The following SHROOM3 variants were observed in gnomAD, a reference collection of about 807,000 sequenced individuals.
SHROOM3 encodes the protein shroom family member 3.
A neutral mutation model predicts 138.6 loss-of-function variants in SHROOM3; 47 were observed. That is an observed-to-expected ratio of 0.34 (90% CI 0.27 to 0.43). The LOEUF is 0.43. Among genes scored for constraint, SHROOM3 ranks in the 20% least tolerant of loss-of-function variants. The probability of loss-of-function intolerance (pLI) is 1.00; values close to 1 mark genes in which losing one functional copy is unlikely to be tolerated. For missense variants in SHROOM3, 2,491 were observed against 2,596.5 expected (o/e 0.96, Z 0.88); for synonymous variants, 1,062 against 1,063.3 (o/e 1.00, Z 0.02).
chr4:76,615,766 TCA>T (rs2110063609), intron 2 of SHROOM3, among the ~76,000 whole-genome samples: 1 of 152,296 alleles, frequency 6.6e-6, no homozygotes, highest in East Asian at 1.9e-4. Flanking sequence ...TGTTTCACAT[TCA>T]CATTCACTGG....
intron 2 of SHROOM3, among the ~76,000 whole-genome samples, chr4:76,668,342 C>T (rs939823843): frequency 1.3e-5 from 2 of 152,038 alleles, no homozygotes; most frequent in Non-Finnish European, 2.9e-5. Flanking sequence ...AGGCAGATCA[C>T]CTGAGGTCAG....
intron 1 of SHROOM3, among the ~76,000 whole-genome samples, chr4:76,447,696 C>T (rs1301301239): frequency 2.6e-5 from 4 of 152,130 alleles, no homozygotes; most frequent in African/African-American, 7.2e-5. Flanking sequence ...AAAAACAAGG[C>T]AGCCATTGAT....
chr4:76,472,243 C>T (rs1458494944), intron 1 of SHROOM3, among the ~76,000 whole-genome samples: 1 of 152,136 alleles, frequency 6.6e-6, no homozygotes, highest in Non-Finnish European at 1.5e-5. Context: ...AAGAGAAACA[C>T]AGTTTTGTGC....
chr4:76,691,281 T>C (rs1266686966), intron 2 of SHROOM3, among the ~76,000 whole-genome samples: 1 of 152,208 alleles, frequency 6.6e-6, no homozygotes, highest in East Asian at 1.9e-4. Flanking sequence ...CTGCCTAGGA[T>C]GGCTTCAGTG....
intron 1 of SHROOM3, among the ~76,000 whole-genome samples, chr4:76,515,261 C>T (rs1210835258): frequency 6.6e-6 from 1 of 150,524 alleles, no homozygotes; most frequent in Non-Finnish European, 1.5e-5. Flanking sequence ...TGGCATGTGC[C>T]TGTAGTCCTA....
chr4:76,608,541 A>ATAGCATAGCGTAGCG (rs1560563075), intron 2 of SHROOM3, among the ~76,000 whole-genome samples: 19 of 51,714 alleles, frequency 3.7e-4, no homozygotes, highest in African/African-American at 1.4e-3. Flanking sequence ...ATAGCATAGC[A>ATAGCATAGCGTAGCG]TAGCATAGCA....
intron 1 of SHROOM3, among the ~76,000 whole-genome samples, chr4:76,527,999 A>G (rs1391393970): frequency 2.6e-5 from 4 of 152,208 alleles, no homozygotes; most frequent in Non-Finnish European, 1.5e-5. Flanking sequence ...AATGCCTACT[A>G]CTACATCTTC....
At chr4:76,655,498 GA>G (rs1736045865) in intron 2 of SHROOM3, among the ~76,000 whole-genome samples, 1 of 152,136 alleles carries the variant, frequency 6.6e-6, no homozygotes. Context: ...GGAAAAAAGG[GA>G]AAAATGTCAC....
Position 76,740,788 on chromosome 4 carries a change from C to G in SHROOM3, c.2615C>G (p.Ser872Trp), listed in dbSNP as rs370811380. The change falls in exon 5 of 11, where the codon TCG becomes TGG. Residue 872 changes from serine (S) to tryptophan (W), a missense_variant. Physicochemically the swap from Ser to Trp is radical, Grantham distance 177. Transcript: ENST00000296043. This position sits in a 1 kb window ranked among gnomAD's most constrained non-coding sequence, Gnocchi z 4.0. ...PCGQQLSGGA[S>W]DSGRGPQRPD... ...GGTCAGCAGCTGAGCGGAGGAGCGT[C>G]GGACAGCGGCCGTGGCCCCCAGAGG... The G allele has an allele frequency of 2.0e-5, 33 of 1,611,086 alleles. No homozygotes were observed. In the African/African-American group the frequency reaches 4.3e-4, roughly 21 times the overall value.
intron 2 of SHROOM3, among the ~76,000 whole-genome samples, chr4:76,654,721 GA>G: frequency 6.6e-6 from 1 of 152,290 alleles, no homozygotes; most frequent in East Asian, 1.9e-4. Flanking sequence ...AGATGAGGAG[GA>G]GGGGGAGGGT....
chr4:76,684,937 A>G (rs1193048568), intron 2 of SHROOM3, among the ~76,000 whole-genome samples: 1 of 152,212 alleles, frequency 6.6e-6, no homozygotes, highest in African/African-American at 2.4e-5. Flanking sequence ...CCATTTTAAC[A>G]TCTTCTTCTA....
intron 3 of SHROOM3, among the ~76,000 whole-genome samples, chr4:76,713,783 C>T (rs1720298480): frequency 6.6e-6 from 1 of 152,140 alleles, no homozygotes; most frequent in Non-Finnish European, 1.5e-5. Flanking sequence ...TTTTCAGCTC[C>T]ATTATAATCT....
intron 2 of SHROOM3, among the ~76,000 whole-genome samples, chr4:76,557,288 A>T (rs1041545852): frequency 5.3e-5 from 8 of 151,224 alleles, no homozygotes; most frequent in African/African-American, 1.9e-4. Context: ...GCCATAAAAA[A>T]AGAAGGAAAT....
chr4:76,738,836 G>C lies in SHROOM3; in HGVS notation c.663G>C (p.Gly221=), dbSNP rs758685837. Residue 221 remains glycine (G), a synonymous_variant, in exon 5 of 11, where the codon GGG becomes GGC. Transcript: ENST00000296043. ...GCCCTGACCAGTGCAGCTCCCAGGG[G>C]AGCATGGAGAGCCTGGAGCCCAGTG... The part of the protein sequence containing the change: ...RRSPDQCSSQ[G]SMESLEPSGA... The C allele has an allele frequency of 1.5e-5, 24 of 1,613,928 alleles. No homozygotes were observed. Among genetic ancestry groups the C allele is most frequent in the Non-Finnish European group, 2.0e-5 (24 of 1,179,874 alleles).
intron 10 of SHROOM3, among the ~76,000 whole-genome samples, chr4:76,772,574 G>A (rs1014683998): frequency 1.6e-4 from 24 of 152,172 alleles, no homozygotes; most frequent in Non-Finnish European, 2.8e-4. Flanking sequence ...ACTCTGCAGC[G>A]CCACTCTCAG....
chr4:76,483,971 ATTAC>A (rs1446163166), intron 1 of SHROOM3, among the ~76,000 whole-genome samples: 2 of 119,242 alleles, frequency 1.7e-5, no homozygotes, highest in East Asian at 5.5e-4. Flanking sequence ...GGAGGGGAAT[ATTAC>A]TTACTGGGGC....
chr4:76,601,672 T>A (rs1734508239), intron 2 of SHROOM3, among the ~76,000 whole-genome samples: 1 of 135,802 alleles, frequency 7.4e-6, no homozygotes, highest in Admixed American at 7.5e-5. Flanking sequence ...CCAGCTAATT[T>A]TTTGTATTTT....
intron 1 of SHROOM3, among the ~76,000 whole-genome samples, chr4:76,550,249 G>T (rs1733321667): frequency 6.6e-6 from 1 of 152,124 alleles, no homozygotes; most frequent in African/African-American, 2.4e-5. Flanking sequence ...CCCAGCCCTA[G>T]AATTATGCCT....
chr4:76,772,259 A>G (rs1722388092), intron 10 of SHROOM3, among the ~76,000 whole-genome samples: 1 of 151,864 alleles, frequency 6.6e-6, no homozygotes, highest in Non-Finnish European at 1.5e-5. Context: ...GCGCACCACC[A>G]TGCCCAGCTA....
Sources: gnomAD v4.1 joint callset for allele counts (sites outside exome capture counted in the v4.1 genomes callset) on GRCh38, gnomAD v4.1.1 for gene constraint, Gnocchi (gnomAD v3.1) non-coding constraint, MANE v1.5 for transcripts, NCBI Gene and HGNC (gene_info 2026-07-23, HGNC 2026-07-21) for gene names.